SLC35F1: variants seen among roughly 807,000 people sequenced by gnomAD.
SLC35F1 encodes the protein solute carrier family 35 member F1, also known as chromosome 6 open reading frame 169.
SLC35F1 carries 14 observed loss-of-function variants against 48.7 expected under a neutral mutation model. That is an observed-to-expected ratio of 0.29 (90% CI 0.19 to 0.45). SLC35F1 has a LOEUF of 0.45. Among genes scored for constraint, SLC35F1 ranks in the 20% least tolerant of loss-of-function variants. The probability of loss-of-function intolerance (pLI) is 1.00; values close to 1 mark genes in which losing one functional copy is unlikely to be tolerated. For synonymous variants in SLC35F1, 190 were observed against 202.2 expected, an observed-to-expected ratio of 0.94 and a Z score of 0.51; for missense variants, 404 against 500.0, an observed-to-expected ratio of 0.81 and a Z score of 1.83.
At chr6:118,199,549 T>C (rs1774845804) in intron 2 of SLC35F1, among the ~76,000 whole-genome samples, 1 of 152,220 alleles carries the variant, frequency 6.6e-6, no homozygotes, top group Non-Finnish European at 1.5e-5. Flanking sequence ...GTTTTCTTTA[T>C]CTCATTAATT....
intron 1 of SLC35F1, among the ~76,000 whole-genome samples, chr6:118,102,358 A>AT (rs1221314313): frequency 6.6e-6 from 1 of 151,946 alleles, no homozygotes; most frequent in African/African-American, 2.4e-5. Flanking sequence ...TAAGTTTTAA[A>AT]TTTTTTTTAG....
chr6:118,018,651 A>G lies in SLC35F1; in HGVS notation c.173+110752A>G, dbSNP rs1777354318. 2.0e-5 allele frequency among the ~76,000 whole-genome samples: 3 copies of G among 152,078 alleles called. No individual in the cohort carries two copies. The South Asian group carries it at 6.2e-4, about 32-fold the overall frequency. On this transcript the variant is annotated intron_variant, in intron 1 of 7. Coordinates refer to ENST00000360388, the MANE Select transcript of SLC35F1 (RefSeq NM_001029858.4). ...AGGTCTATATATAAGACTTTACTGG[A>G]ATCTTTGAATATTTTTCTTAGTAAG...
intron 5 of SLC35F1, 64 bp from the exon 6 acceptor site, chr6:118,277,426 AAAAG>A (rs568309474): frequency 3.8e-4 from 535 of 1,392,916 alleles, no homozygotes; most frequent in Non-Finnish European, 4.7e-4. Flanking sequence ...TGGGGGGGAA[AAAAG>A]AAAGAAAGAA....
chr6:118,138,237 G>A (rs1348574066), intron 1 of SLC35F1, among the ~76,000 whole-genome samples: 1 of 151,398 alleles, frequency 6.6e-6, no homozygotes, highest in Non-Finnish European at 1.5e-5. Context: ...GAGCTCAGGA[G>A]TTCCAGGCTG....
Position 118,267,146 on chromosome 6 carries a change from A to G in SLC35F1, c.629A>G (p.Gln210Arg). The change falls in exon 4 of 8, where the codon CAG becomes CGG. Residue 210 changes from glutamine (Q) to arginine (R), a missense_variant. This residue lies in a region of SLC35F1 where 306 missense variants were observed against 419.1 expected (regional missense o/e 0.73). Transcript: ENST00000360388. ...GCAGATGTGCTTGTGGGAAGACATC[A>G]GGGAGCAGGTGAGTCTTCGGATGTT... ...VGADVLVGRHQGAGENKLVGD... is the reference protein window; with the variant it reads ...VGADVLVGRHRGAGENKLVGD... The G allele has an allele frequency of 1.2e-6, 2 of 1,613,962 alleles. No individual in the cohort carries two copies. The highest frequency in any genetic ancestry group is 1.7e-6 in the Non-Finnish European group (2 of 1,179,858).
intron 2 of SLC35F1, among the ~76,000 whole-genome samples, chr6:118,209,495 C>G (rs1050028807): frequency 1.3e-5 from 2 of 152,068 alleles, no homozygotes; most frequent in East Asian, 1.9e-4. Context: ...TTTTACAAGG[C>G]CTTTCTAAAA....
At chr6:118,225,026 GAC>G (rs1775196653) in intron 2 of SLC35F1, among the ~76,000 whole-genome samples, 1 of 152,082 alleles carries the variant, frequency 6.6e-6, no homozygotes, top group South Asian at 2.1e-4. Flanking sequence ...AATTGAAGAG[GAC>G]ACACAAAAAA....
chr6:118,223,314 T>A (rs1159631471), intron 2 of SLC35F1, among the ~76,000 whole-genome samples: 1 of 152,216 alleles, frequency 6.6e-6, no homozygotes, highest in African/African-American at 2.4e-5. Context: ...GGGCTGTTAA[T>A]AACAAAGCTA....
At chr6:118,232,441 G>A (rs550957933) in intron 2 of SLC35F1, among the ~76,000 whole-genome samples, 23 of 151,752 alleles carry the variant, frequency 1.5e-4, no homozygotes, top group Admixed American at 4.6e-4. Context: ...CCAGCTACAC[G>A]GGAGGCTGAG....
At chr6:117,999,287 G>C in intron 1 of SLC35F1, 2 of 1,596,198 alleles carry the variant, frequency 1.3e-6, no homozygotes, top group Non-Finnish European at 1.7e-6. Context: ...CCCCAAGCTT[G>C]GGAAGCGTGC....
intron 3 of SLC35F1, among the ~76,000 whole-genome samples, chr6:118,258,316 A>T (rs1327233033): frequency 6.6e-6 from 1 of 152,252 alleles, no homozygotes; most frequent in East Asian, 1.9e-4. Context: ...TGACATCAAT[A>T]TCACTGTGCT....
chr6:118,091,320 T>C (rs970334827), intron 1 of SLC35F1, among the ~76,000 whole-genome samples: 1 of 152,174 alleles, frequency 6.6e-6, no homozygotes, highest in Non-Finnish European at 1.5e-5. Context: ...AGTCCCTGTG[T>C]GTTGTGGGAG....
intron 2 of SLC35F1, among the ~76,000 whole-genome samples, chr6:118,186,849 A>T (rs1452322198): frequency 6.6e-6 from 1 of 152,208 alleles, no homozygotes; most frequent in Non-Finnish European, 1.5e-5. Context: ...ACTGTTAAGG[A>T]CTTAAGATAA....
chr6:117,933,001 G>A (rs530456009), intron 1 of SLC35F1, among the ~76,000 whole-genome samples: 1 of 152,300 alleles, frequency 6.6e-6, no homozygotes, highest in Admixed American at 6.5e-5. Flanking sequence ...GTAAGGATAA[G>A]CTCACAACTT....
At position 118,300,144 on chromosome 6, in the gene SLC35F1, T is replaced by C. The variant is rs559449432; in HGVS notation, c.1003-13884T>C. Among the ~76,000 whole-genome samples the C allele has an allele frequency of 9.2e-5, 14 of 152,320 alleles. No homozygotes were observed. The South Asian group carries it at 2.9e-3, about 32-fold the overall frequency. On this transcript the variant is annotated intron_variant, in intron 7 of 7. Coordinates refer to ENST00000360388, the MANE Select transcript of SLC35F1 (RefSeq NM_001029858.4). ...AAATAATTAAGGGGAAAAAATTACA[T>C]CTGTACTGAACCTTATACAGACCAT...
At chr6:118,062,523 ATTAAG>A (rs1772555539) in intron 1 of SLC35F1, among the ~76,000 whole-genome samples, 1 of 152,224 alleles carries the variant, frequency 6.6e-6, no homozygotes, top group Admixed American at 6.5e-5. Context: ...ATCCAATTAT[ATTAAG>A]TTATTATTGC....
At position 118,311,577 on chromosome 6, in the gene SLC35F1, C is replaced by T. The variant is rs79819289; in HGVS notation, c.1003-2451C>T. 3.1e-4 allele frequency among the ~76,000 whole-genome samples: 47 copies of T among 152,272 alleles called. 1 individual carries two copies. The East Asian group carries it at 6.8e-3, about 22-fold the overall frequency. On this transcript the variant is annotated intron_variant, in intron 7 of 7. Coordinates refer to ENST00000360388, the MANE Select transcript of SLC35F1 (RefSeq NM_001029858.4). ...GGCCAAGGCAGGTGGATGGCTTAAG[C>T]CCAAGAATTCGAGACCAGCCTGAGC...
chr6:118,146,902 C>T (rs950175333), intron 1 of SLC35F1, among the ~76,000 whole-genome samples: 33 of 152,188 alleles, frequency 2.2e-4, no homozygotes, highest in African/African-American at 7.2e-4. Flanking sequence ...GATACAAATT[C>T]CAAGAGTTGA....
intron 7 of SLC35F1, among the ~76,000 whole-genome samples, chr6:118,294,880 G>T (rs1776165194): frequency 6.6e-6 from 1 of 151,872 alleles, no homozygotes; most frequent in Non-Finnish European, 1.5e-5. Context: ...ACTATTCTAG[G>T]TAATGTGATT....
Sources: allele counts gnomAD v4.1 joint callset (sites outside exome capture counted in the v4.1 genomes callset), GRCh38; gene constraint gnomAD v4.1.1; regional missense constraint gnomAD v4.1.1; transcripts MANE v1.5; gene names NCBI Gene and HGNC (gene_info 2026-07-23, HGNC 2026-07-21).